Variants in KIAA2012 observed in about 807,000 individuals in gnomAD.
KIAA2012 encodes the protein KIAA2012, also known as uncharacterized protein KIAA2012.
In KIAA2012, 125 loss-of-function variants were observed where a neutral mutation model predicts 150.6. The ratio of observed to expected loss-of-function variants is 0.83; its 90% CI spans 0.72 to 0.96. The LOEUF (loss-of-function observed/expected upper bound fraction) is 0.96, where lower values mean the gene tolerates loss of function less well. Ranked by LOEUF, KIAA2012 falls within the 40% of genes least tolerant of loss-of-function variation. The pLI, the probability that KIAA2012 is intolerant of heterozygous loss-of-function variation, is 0.00. For synonymous variants in KIAA2012, 462 were observed against 504.7 expected (o/e 0.92, Z 1.13); for missense variants, 1,219 against 1,354.9 (o/e 0.90, Z 1.57).
At chr2:202,152,253 T>A (rs1017930398) in intron 13 of KIAA2012, among the ~76,000 whole-genome samples, 1 of 152,190 alleles carries the variant, frequency 6.6e-6, no homozygotes, top group Non-Finnish European at 1.5e-5. Flanking sequence ...GTATAGAGCC[T>A]TCACTCAAAA....
At chr2:202,193,169 C>A in intron 19 of KIAA2012, 132 bp from the exon 20 acceptor site, 2 of 878,812 alleles carry the variant, frequency 2.3e-6, no homozygotes, top group Non-Finnish European at 3.5e-6. Flanking sequence ...GTCTATGCAG[C>A]TGTGGGCAAA....
rs1690295010 is a variant in KIAA2012 at position 202,109,684 on chromosome 2, C to T, written c.1546C>T (p.Pro516Ser). ...ACCCCCGATTAAAGGAAAAAAAAGT[C>T]CTGAGAGCCAGAAGGGCGTGGACAG... ...LLPPIKGKKS[P>S]ESQKGVDSPR... Residue 516 changes from proline to serine, a missense_variant, in exon 10 of 24, where the codon CCT becomes TCT. Coordinates refer to ENST00000498697, the MANE Select transcript of KIAA2012 (RefSeq NM_001277372.4). 1 of 1,550,740 alleles carries T rather than the reference C, an allele frequency of 6.4e-7. No homozygotes were observed. Among genetic ancestry groups the T allele is most frequent in the Non-Finnish European group, 8.7e-7 (1 of 1,147,012 alleles).
At chr2:202,084,295 T>C (rs534741795) in intron 2 of KIAA2012, among the ~76,000 whole-genome samples, 2 of 152,296 alleles carry the variant, frequency 1.3e-5, no homozygotes, top group Non-Finnish European at 2.9e-5. Context: ...GCACAAGCCC[T>C]ACCGTCTCCT....
At chr2:202,185,695 A>C (rs902153039) in intron 16 of KIAA2012, among the ~76,000 whole-genome samples, 3 of 152,176 alleles carry the variant, frequency 2.0e-5, no homozygotes, top group Non-Finnish European at 4.4e-5. Flanking sequence ...TTTGTGACTT[A>C]ATTTCAGGCT....
intron 13 of KIAA2012, among the ~76,000 whole-genome samples, chr2:202,149,097 C>G (rs573957371): frequency 1.4e-4 from 22 of 152,286 alleles, no homozygotes; most frequent in Admixed American, 1.2e-3. Context: ...TTCCCCTACC[C>G]TAGCAGGGGG....
intron 12 of KIAA2012, among the ~76,000 whole-genome samples, chr2:202,130,108 G>A (rs1370813628): frequency 6.6e-6 from 1 of 152,124 alleles, no homozygotes; most frequent in African/African-American, 2.4e-5. Flanking sequence ...GCTGACTGCT[G>A]GGACTCGTGA....
intron 14 of KIAA2012, among the ~76,000 whole-genome samples, chr2:202,159,448 C>G (rs1691605086): frequency 6.6e-6 from 1 of 151,838 alleles, no homozygotes; most frequent in South Asian, 2.1e-4. Context: ...AGTTGGGAAG[C>G]CCTGGGTGGG....
chr2:202,200,864 G>A (rs13422743), intron 22 of KIAA2012, among the ~76,000 whole-genome samples: 4 of 151,684 alleles, frequency 2.6e-5, no homozygotes, highest in Non-Finnish European at 5.9e-5. Context: ...GCACCACTAC[G>A]CCCGGCTAAT....
intron 18 of KIAA2012, among the ~76,000 whole-genome samples, chr2:202,189,763 C>T (rs1692293261): frequency 6.6e-6 from 1 of 151,964 alleles, no homozygotes; most frequent in Admixed American, 6.6e-5. Context: ...GAATCTGCAC[C>T]CCAGGTGATT....
At chr2:202,092,121 G>C (rs927443359) in intron 3 of KIAA2012, among the ~76,000 whole-genome samples, 3 of 152,124 alleles carry the variant, frequency 2.0e-5, no homozygotes, top group African/African-American at 7.2e-5. Context: ...CCTCAAAAAA[G>C]GTCGAGTCCT....
chr2:202,200,048 A>G lies in KIAA2012; in HGVS notation c.3408-2381A>G, dbSNP rs1190843948. On this transcript the variant is annotated intron_variant, in intron 22 of 23. Coordinates refer to ENST00000498697, the MANE Select transcript of KIAA2012 (RefSeq NM_001277372.4). ...CCGGTTCAAGCGATTCTCCTGCCTCAGTTTCCTGAGTAGCTGGGATTACAG... is the reference window on the plus strand; with the variant it reads ...CCGGTTCAAGCGATTCTCCTGCCTCGGTTTCCTGAGTAGCTGGGATTACAG... Among the ~76,000 whole-genome samples, 5 of 145,460 alleles carry G rather than the reference A, an allele frequency of 3.4e-5. No homozygotes were observed. In the Admixed American group the frequency reaches 3.6e-4, roughly 11 times the overall value.
At chr2:202,151,015 G>A (rs569127109) in intron 13 of KIAA2012, among the ~76,000 whole-genome samples, 7 of 152,184 alleles carry the variant, frequency 4.6e-5, no homozygotes, top group Non-Finnish European at 7.3e-5. Flanking sequence ...ATGGGGTCAA[G>A]GATGGAGCCC....
intron 12 of KIAA2012, among the ~76,000 whole-genome samples, chr2:202,132,120 G>A (rs960145682): frequency 2.0e-5 from 3 of 152,120 alleles, no homozygotes; most frequent in Admixed American, 2.0e-4. Context: ...AGTTTGTGGT[G>A]AGCCGAGATC....
intron 13 of KIAA2012, among the ~76,000 whole-genome samples, chr2:202,147,548 C>T (rs73992845): frequency 2.6e-5 from 4 of 152,336 alleles, no homozygotes; most frequent in African/African-American, 9.6e-5. Flanking sequence ...TCTCTTCTTC[C>T]AGCCTTCTGC....
chr2:202,195,972 G>C (rs1339748864), intron 21 of KIAA2012, among the ~76,000 whole-genome samples: 1 of 151,996 alleles, frequency 6.6e-6, no homozygotes, highest in African/African-American at 2.4e-5. Context: ...CTGTTGGGAA[G>C]AGTGCAGCAA....
intron 15 of KIAA2012, among the ~76,000 whole-genome samples, chr2:202,168,696 C>T (rs1412578362): frequency 6.6e-6 from 1 of 152,126 alleles, no homozygotes; most frequent in African/African-American, 2.4e-5. Flanking sequence ...GCCTTCCAGC[C>T]TCTGCATTCA....
intron 12 of KIAA2012, among the ~76,000 whole-genome samples, chr2:202,133,028 C>G (rs1458931031): frequency 4.9e-5 from 7 of 141,620 alleles, no homozygotes; most frequent in Non-Finnish European, 1.1e-4. Flanking sequence ...TGGCGTGAAC[C>G]TAGGAGGTGG....
Position 202,154,692 on chromosome 2 carries a change from A to T in KIAA2012, c.1928A>T (p.Glu643Val). 6.5e-7 allele frequency: 1 copy of T among 1,547,296 alleles called. No homozygotes were observed. Among genetic ancestry groups the T allele is most frequent in the Non-Finnish European group, 8.7e-7 (1 of 1,146,226 alleles). The stretch of plus-strand genomic sequence containing the variant: ...TCACAGGGAGCCCAGCAGTCCTTGG[A>T]GGCAGCAGCTCAGAAGACAGGAGAG... Reference protein sequence around the residue: ...TEKQGAQQSLEAAAQKTGEPQ... With the variant: ...TEKQGAQQSLVAAAQKTGEPQ... Residue 643 changes from glutamate (E) to valine (V), a missense_variant, in exon 14 of 24, where the codon GAG (glutamate) becomes GTG (valine). Transcript: ENST00000498697.
chr2:202,093,291 G>T (rs1689779152), intron 4 of KIAA2012, 106 bp downstream of exon 4: 4 of 1,163,550 alleles, frequency 3.4e-6, no homozygotes, highest in Non-Finnish European at 4.9e-6. Context: ...ATTCTGGGTT[G>T]CATAGTCCTC....
Sources: gnomAD v4.1 joint callset for allele counts (sites outside exome capture counted in the v4.1 genomes callset) on GRCh38, gnomAD v4.1.1 for gene constraint, MANE v1.5 for transcripts, NCBI Gene and HGNC (gene_info 2026-07-23, HGNC 2026-07-21) for gene names.